Variants in NIM1K observed in about 807,000 individuals in gnomAD.
NIM1K encodes the protein serine/threonine-protein kinase NIM1.
In NIM1K, 35 loss-of-function variants were observed where a neutral mutation model predicts 37.1. The observed-to-expected ratio is 0.94, with a 90% CI of 0.72 to 1.25. The LOEUF is 1.25. Ranked by LOEUF, NIM1K falls within the 50% of genes most tolerant of loss-of-function variation. The pLI is 0.00. For synonymous variants in NIM1K, 234 were observed against 206.6 expected, an observed-to-expected ratio of 1.13 and a Z score of -1.14; for missense variants, 564 against 548.0, an observed-to-expected ratio of 1.03 and a Z score of -0.29.
chr5:43,214,874 G>T (rs1752277968), intron 1 of NIM1K, among the ~76,000 whole-genome samples: 1 of 151,464 alleles, frequency 6.6e-6, no homozygotes, highest in African/African-American at 2.4e-5. Context: ...GGACTTCATG[G>T]TTATTTAACT....
In NIM1K at chr5:43,193,657, G is replaced by A. The variant is rs147318041; in HGVS notation, c.-695+1246G>A. ...TCAAGATTTCAAATGGAAATCTAAG[G>A]TGAATATTTGTTTATGGTAATAAGA... On this transcript the variant is annotated intron_variant, in intron 1 of 3. Transcript: ENST00000326035. 166 of 152,216 alleles carry A rather than the reference G, an allele frequency of 1.1e-3. 2 individuals carry two copies. Among genetic ancestry groups the A allele is most frequent in the Admixed American group, 8.4e-3 (129 of 15,288 alleles). 9.4% of individuals were successfully genotyped at this position (152,216 alleles called of 1,614,324 possible).
At chr5:43,228,450 C>T (rs1752491627) in intron 1 of NIM1K, among the ~76,000 whole-genome samples, 1 of 151,908 alleles carries the variant, frequency 6.6e-6, no homozygotes, top group South Asian at 2.1e-4. Context: ...CCGGCCGAGA[C>T]CTGTTTTATT....
At chr5:43,192,608 C>T (rs1751849862) in intron 1 of NIM1K, among the ~76,000 whole-genome samples, 197 bp downstream of exon 1, 1 of 152,206 alleles carries the variant, frequency 6.6e-6, no homozygotes, top group South Asian at 2.1e-4. Flanking sequence ...TACCCCCACA[C>T]CTGCCCAGGC....
At chr5:43,265,010 C>T (rs181043894) in intron 2 of NIM1K, among the ~76,000 whole-genome samples, 349 of 152,304 alleles carry the variant, frequency 2.3e-3, no homozygotes, top group Non-Finnish European at 3.8e-3. Context: ...ATGGGCTTCC[C>T]TTTGCAGGTA....
chr5:43,280,811 T>C lies in NIM1K; in HGVS notation c.*82T>C. On this transcript the variant is annotated 3_prime_UTR_variant, in exon 4 of 4. Transcript: ENST00000326035. ...TTCAAGGACAACTTGAGTGGAGACA[T>C]TTTTGTAATTTTTAAATAAACTTAA... 1.6e-6 allele frequency: 2 copies of C among 1,285,662 alleles called. No homozygotes were observed. The highest frequency in any genetic ancestry group is 2.1e-6 in the Non-Finnish European group (2 of 950,510). 79.6% of individuals were successfully genotyped at this position (1,285,662 alleles called of 1,614,324 possible). A position where few individuals can be genotyped will look rare whatever the true frequency, so the allele number is the denominator to read the frequency against.
At position 43,260,566 on chromosome 5, in the gene NIM1K, AT is replaced by A. The variant is rs1437675097; in HGVS notation, c.292+14500del. ...TTTAATTCTGTTTATGTGATTTATC[AT>A]ATTTATTGACTTGCATATATATATA... On this transcript the variant is annotated intron_variant, in intron 2 of 3. Coordinates refer to ENST00000326035, the MANE Select transcript of NIM1K (RefSeq NM_153361.4). 2.6e-5 allele frequency among the ~76,000 whole-genome samples: 4 copies of A among 152,234 alleles called. No individual in the cohort carries two copies. In the East Asian group the frequency reaches 7.7e-4, roughly 29 times the overall value.
intron 1 of NIM1K, among the ~76,000 whole-genome samples, chr5:43,201,600 G>A (rs1016377500): frequency 2.6e-5 from 4 of 151,590 alleles, no homozygotes; most frequent in Admixed American, 1.3e-4. Context: ...ATTCATATTT[G>A]TGAAGCCAAA....
At position 43,280,747 on chromosome 5, in the gene NIM1K, G is replaced by C. The variant is rs1358519371; in HGVS notation, c.*18G>C. 3 of 1,542,976 alleles carry C rather than the reference G, an allele frequency of 1.9e-6. No individual in the cohort carries two copies. Among genetic ancestry groups the C allele is most frequent in the South Asian group, 2.5e-5 (2 of 79,160 alleles). ...TTTTATAAATTGCACTAGACTGCTTGTAACTAACCAAGATGATTGTTGCTG... is the reference window on the plus strand; with the variant it reads ...TTTTATAAATTGCACTAGACTGCTTCTAACTAACCAAGATGATTGTTGCTG... On this transcript the variant is annotated 3_prime_UTR_variant, in exon 4 of 4. Coordinates refer to ENST00000326035, the MANE Select transcript of NIM1K (RefSeq NM_153361.4).
chr5:43,257,006 T>A (rs1752956322), intron 2 of NIM1K, among the ~76,000 whole-genome samples: 1 of 152,148 alleles, frequency 6.6e-6, no homozygotes, highest in East Asian at 1.9e-4. Flanking sequence ...AGCAGGGTAT[T>A]TATGCATATG....
chr5:43,265,638 T>C (rs560597351), intron 2 of NIM1K, among the ~76,000 whole-genome samples: 2 of 152,328 alleles, frequency 1.3e-5, no homozygotes, highest in East Asian at 3.9e-4. Flanking sequence ...TCAAATTCAT[T>C]CTCCGTCCAG....
Position 43,279,953 on chromosome 5 carries a change from G to T in NIM1K, c.562-27G>T, listed in dbSNP as rs113928289. On this transcript the variant is annotated intron_variant, in intron 3 of 3. Transcript: ENST00000326035. Reference sequence around the variant, plus strand: ...TATTTTGACATTTTACTGTAAAAATGACTTTTCTCTATGTCTTCTTCCACA... The same window carrying T: ...TATTTTGACATTTTACTGTAAAAATTACTTTTCTCTATGTCTTCTTCCACA... 844 of 1,573,794 alleles carry T rather than the reference G, an allele frequency of 5.4e-4. 3 individuals are homozygous for T. The African/African-American group carries it at 9.4e-3, about 18-fold the overall frequency.
chr5:43,266,556 C>T (rs943921989), intron 2 of NIM1K, among the ~76,000 whole-genome samples: 22 of 152,182 alleles, frequency 1.4e-4, no homozygotes, highest in African/African-American at 4.6e-4. Flanking sequence ...ATTCCCTGAC[C>T]CCTTGCACTT....
chr5:43,277,355 C>A lies in NIM1K; in HGVS notation c.561+30C>A, dbSNP rs772081869. On this transcript the variant is annotated intron_variant, in intron 3 of 3. Coordinates refer to ENST00000326035, the MANE Select transcript of NIM1K (RefSeq NM_153361.4). ...GCAGGGGTGACGAGTGAGAACCTTG[C>A]TCCCATTGCACTGACACTGGGAGCA... The A allele has an allele frequency of 3.1e-6, 5 of 1,600,884 alleles. No homozygotes were observed. The African/African-American group carries it at 6.7e-5, about 21-fold the overall frequency.
At chr5:43,196,942 C>CATTTT (rs1751926128) in intron 1 of NIM1K, among the ~76,000 whole-genome samples, 1 of 82,776 alleles carries the variant, frequency 1.2e-5, no homozygotes. Context: ...CCATGCCCAG[C>CATTTT]TTTTTTTTTT....
At chr5:43,274,682 G>A (rs1010998840) in intron 2 of NIM1K, among the ~76,000 whole-genome samples, 77 of 152,330 alleles carry the variant, frequency 5.1e-4, no homozygotes, top group African/African-American at 1.8e-3. Flanking sequence ...TGCTCCCTTA[G>A]AGCTGCCCTC....
intron 2 of NIM1K, among the ~76,000 whole-genome samples, chr5:43,269,541 G>GT (rs1246070350): frequency 6.6e-6 from 1 of 152,030 alleles, no homozygotes; most frequent in African/African-American, 2.4e-5. Flanking sequence ...ACATTGAGAT[G>GT]TAAGGTACGA....
At chr5:43,231,990 G>C in intron 1 of NIM1K, 1 of 1,000,176 alleles carries the variant, frequency 1.0e-6, no homozygotes, top group South Asian at 1.2e-5. Flanking sequence ...AGTCAAACTT[G>C]TGGTCCAGGT....
At position 43,245,945 on chromosome 5, in the gene NIM1K, A is replaced by C; in HGVS notation, c.170A>C (p.Gln57Pro). 1 of 1,614,166 alleles carries C rather than the reference A, an allele frequency of 6.2e-7. No homozygotes were observed. The highest frequency in any genetic ancestry group is 1.1e-5 in the South Asian group (1 of 91,078). The change falls in exon 2 of 4, where the codon CAG becomes CCG. Residue 57 changes from glutamine to proline, a missense_variant. Transcript: ENST00000326035. The part of the protein sequence containing the change: ...PFEKLTQDMS[Q>P]DEKVVREITL... ...GAGAAACTGACACAGGACATGTCCC[A>C]GGATGAGAAGGTGGTGAGGGAGATC... is the stretch of plus-strand genomic sequence containing the variant.
intron 2 of NIM1K, among the ~76,000 whole-genome samples, chr5:43,247,773 A>G (rs918398917): frequency 2.6e-5 from 4 of 152,260 alleles, no homozygotes; most frequent in African/African-American, 7.2e-5. Context: ...CAAATGGGTA[A>G]TCTAAGTATT....
Sources: gnomAD v4.1 joint callset for allele counts (sites outside exome capture counted in the v4.1 genomes callset) on GRCh38, gnomAD v4.1.1 for gene constraint, MANE v1.5 for transcripts, NCBI Gene and HGNC (gene_info 2026-07-23, HGNC 2026-07-21) for gene names.